WDFY1: variants seen among roughly 807,000 people sequenced by gnomAD.
WDFY1 encodes WD repeat and FYVE domain containing 1.
A neutral mutation model predicts 56.4 loss-of-function variants in WDFY1; 32 were observed. That is an observed-to-expected ratio of 0.57 (90% CI 0.43 to 0.76). WDFY1 has a LOEUF of 0.76. Ranked by LOEUF, WDFY1 falls within the 30% of genes least tolerant of loss-of-function variation. The pLI is 0.00. For synonymous variants in WDFY1, 192 were observed against 197.3 expected, an observed-to-expected ratio of 0.97 and a Z score of 0.23; for missense variants, 480 against 545.7, an observed-to-expected ratio of 0.88 and a Z score of 1.20.
At chr2:223,927,554 A>G (rs990763497) in intron 1 of WDFY1, among the ~76,000 whole-genome samples, 6 of 152,214 alleles carry the variant, frequency 3.9e-5, no homozygotes, top group Admixed American at 3.9e-4. Context: ...GCTCTGGATG[A>G]GGCTTTGGCT....
chr2:223,926,646 A>ATGTGTGTG lies in WDFY1; in HGVS notation c.138-8637_138-8636insCACACACA, dbSNP rs61402571. ...GTGTGTATTTCATATATATACAAAT[A>ATGTGTGTG]TGTGCGTGTGTGTGTGTGTGTGTGT... On this transcript the variant is annotated intron_variant, in intron 1 of 11. Coordinates refer to ENST00000233055, the MANE Select transcript of WDFY1 (RefSeq NM_020830.5). Among the ~76,000 whole-genome samples, 356 of 145,136 alleles carry ATGTGTGTG rather than the reference A, an allele frequency of 2.5e-3. 1 individual carries two copies. The highest frequency in any genetic ancestry group is 8.0e-3 in the African/African-American group (292 of 36,408).
rs201052523 is a variant in WDFY1, at chr2:223,924,466, C to T, written c.138-6456G>A. Reference sequence around the variant, plus strand: ...GTAACCTCTGCCTCCTGGGTTCAAGCGATTCTCATGCCTCAGCCTCCCCAG... The same window carrying T: ...GTAACCTCTGCCTCCTGGGTTCAAGTGATTCTCATGCCTCAGCCTCCCCAG... On this transcript the variant is annotated intron_variant, in intron 1 of 11. Transcript: ENST00000233055. Among the ~76,000 whole-genome samples, 32 of 152,276 alleles carry T rather than the reference C, an allele frequency of 2.1e-4. No homozygotes were observed. The East Asian group carries it at 5.4e-3, about 26-fold the overall frequency.
intron 2 of WDFY1, among the ~76,000 whole-genome samples, chr2:223,916,712 A>C (rs1413406601): frequency 6.6e-6 from 1 of 152,156 alleles, no homozygotes; most frequent in Non-Finnish European, 1.5e-5. Flanking sequence ...TTTTCAGGAA[A>C]GGTTGAAGAA....
At chr2:223,916,918 G>A (rs909723644) in intron 2 of WDFY1, among the ~76,000 whole-genome samples, 4 of 151,532 alleles carry the variant, frequency 2.6e-5, no homozygotes, top group South Asian at 2.1e-4. Flanking sequence ...GGATTGAAGC[G>A]ATTCTCCTGC....
chr2:223,897,390 A>ATATATATATT (rs1461451983), intron 6 of WDFY1, among the ~76,000 whole-genome samples: 27 of 125,978 alleles, frequency 2.1e-4, no homozygotes, highest in African/African-American at 4.4e-4. Context: ...ATATATATAT[A>ATATATATATT]TTTTTTAAGA....
chr2:223,901,145 G>A, intron 5 of WDFY1, 38 bp downstream of exon 5: 1 of 1,591,396 alleles, frequency 6.3e-7, no homozygotes. Context: ...GAGAAGCAGA[G>A]GCCAGGGGAA....
Position 223,877,730 on chromosome 2 carries a change from T to C in WDFY1, c.*941A>G, listed in dbSNP as rs756822296. On this transcript the variant is annotated 3_prime_UTR_variant, in exon 12 of 12. Coordinates refer to ENST00000233055, the MANE Select transcript of WDFY1 (RefSeq NM_020830.5). ...CTGTGGAGTGCTTTTGTAGGGGGTA[T>C]ATTAAATTGCCAGAATATTGCAGAG... The C allele has an allele frequency of 5.2e-5, 8 of 152,710 alleles. No individual in the cohort carries two copies. The highest frequency in any genetic ancestry group is 2.0e-4 in the Admixed American group (3 of 15,288). 9.5% of individuals were successfully genotyped at this position (152,710 alleles called of 1,614,324 possible). A position where few individuals can be genotyped will look rare whatever the true frequency, so the allele number is the denominator to read the frequency against.
At chr2:223,902,193 C>T (rs891021170) in intron 4 of WDFY1, among the ~76,000 whole-genome samples, 2 of 152,252 alleles carry the variant, frequency 1.3e-5, no homozygotes, top group Admixed American at 1.3e-4. Flanking sequence ...GATTCATCCA[C>T]TGCTAAAAGG....
At chr2:223,935,433 T>C (rs939682031) in intron 1 of WDFY1, among the ~76,000 whole-genome samples, 3 of 152,230 alleles carry the variant, frequency 2.0e-5, no homozygotes, top group Non-Finnish European at 2.9e-5. Flanking sequence ...GAAATCAGTA[T>C]ATATGTGCTA....
intron 1 of WDFY1, among the ~76,000 whole-genome samples, chr2:223,929,189 G>GTT (rs566936287): frequency 1.0e-4 from 3 of 28,922 alleles, no homozygotes; most frequent in Non-Finnish European, 3.6e-4. Context: ...TCTGTTTTTT[G>GTT]TTTTTTTTTT....
intron 6 of WDFY1, among the ~76,000 whole-genome samples, chr2:223,896,170 A>AAAAAAAAAAC: frequency 6.8e-6 from 1 of 146,540 alleles, no homozygotes; most frequent in Non-Finnish European, 1.5e-5. Context: ...AAAAAAAAAA[A>AAAAAAAAAAC]AAAAAAAAAA....
intron 1 of WDFY1, among the ~76,000 whole-genome samples, chr2:223,941,677 G>T (rs1255037798): frequency 6.6e-6 from 1 of 151,940 alleles, no homozygotes; most frequent in Non-Finnish European, 1.5e-5. Context: ...GGTCTAGCAT[G>T]GGCCCCACAC....
intron 4 of WDFY1, among the ~76,000 whole-genome samples, chr2:223,905,297 T>C (rs1693577849): frequency 6.6e-6 from 1 of 152,006 alleles, no homozygotes; most frequent in African/African-American, 2.4e-5. Flanking sequence ...TTCCACTTTG[T>C]AGGAATTTGT....
intron 9 of WDFY1, among the ~76,000 whole-genome samples, chr2:223,884,160 C>A (rs1693130315): frequency 6.6e-6 from 1 of 151,614 alleles, no homozygotes; most frequent in East Asian, 1.9e-4. Context: ...AAACAGTACT[C>A]AAAACATGCT....
chr2:223,944,432 C>T (rs1481641341), intron 1 of WDFY1, among the ~76,000 whole-genome samples: 1 of 152,258 alleles, frequency 6.6e-6, no homozygotes, highest in Non-Finnish European at 1.5e-5. Context: ...GTTGGAGGAG[C>T]GCGGTGGGCT....
intron 2 of WDFY1, among the ~76,000 whole-genome samples, chr2:223,913,866 A>G (rs1309591102): frequency 6.6e-6 from 1 of 152,090 alleles, no homozygotes; most frequent in Non-Finnish European, 1.5e-5. Flanking sequence ...GTTTTGTATT[A>G]TATAGTAATA....
chr2:223,937,444 A>C (rs1350372234), intron 1 of WDFY1, among the ~76,000 whole-genome samples: 1 of 152,234 alleles, frequency 6.6e-6, no homozygotes, highest in African/African-American at 2.4e-5. Flanking sequence ...GAATGAAAAC[A>C]ATAACAACTA....
chr2:223,929,309 C>A (rs1292788622), intron 1 of WDFY1, among the ~76,000 whole-genome samples: 1 of 151,450 alleles, frequency 6.6e-6, no homozygotes, highest in Admixed American at 6.6e-5. Context: ...TGCCTCAGCC[C>A]CGCTAGTAGC....
At chr2:223,890,570 G>A (rs1032839381) in intron 8 of WDFY1, among the ~76,000 whole-genome samples, 2 of 152,114 alleles carry the variant, frequency 1.3e-5, no homozygotes, top group Non-Finnish European at 2.9e-5. Context: ...GCTAACATGA[G>A]CCATCCTTAT....
Sources: allele counts gnomAD v4.1 joint callset (sites outside exome capture counted in the v4.1 genomes callset), GRCh38; gene constraint gnomAD v4.1.1; transcripts MANE v1.5; gene names NCBI Gene and HGNC (gene_info 2026-07-23, HGNC 2026-07-21).